The following MTA1 variants were observed in gnomAD, a reference collection of about 807,000 sequenced individuals.
MTA1 encodes metastasis-associated protein MTA1.
A neutral mutation model predicts 97.0 loss-of-function variants in MTA1; 15 were observed. That is an observed-to-expected ratio of 0.15 (90% CI 0.10 to 0.24). The LOEUF (loss-of-function observed/expected upper bound fraction) is 0.24. MTA1 is among the 10% of genes least tolerant of loss of function. MTA1 has a pLI of 1.00. For missense variants in MTA1, 709 were observed against 1,015.1 expected (o/e 0.70, Z 4.10); for synonymous variants, 435 against 417.5 (o/e 1.04, Z -0.51).
rs371516406 is a variant in MTA1 at position 105,463,154 on chromosome 14, T to C, written c.943-30T>C. 4.4e-5 allele frequency: 70 copies of C among 1,607,248 alleles called. No homozygotes were observed. Among genetic ancestry groups the C allele is most frequent in the Non-Finnish European group, 5.9e-5 (70 of 1,177,580 alleles). ...GGTGTGCCTGCCTCCTGCCCCTTCC[T>C]GCTTGTGTGACACGCCTCCTCCCAC... On this transcript the variant is annotated intron_variant, in intron 10 of 20. Transcript: ENST00000331320. This position sits in a 1 kb window ranked among gnomAD's most constrained non-coding sequence, Gnocchi z 5.9.
chr14:105,428,717 C>CT (rs60016099), intron 1 of MTA1, among the ~76,000 whole-genome samples: 3 of 145,492 alleles, frequency 2.1e-5, no homozygotes, highest in Non-Finnish European at 3.0e-5. Flanking sequence ...AGAAGTGTTT[C>CT]TTTTTTTTTT....
chr14:105,434,207 A>G (rs1354319172), intron 1 of MTA1, among the ~76,000 whole-genome samples: 4 of 152,202 alleles, frequency 2.6e-5, no homozygotes, highest in Admixed American at 2.6e-4. Context: ...TGGCCTGCAC[A>G]GCCTGGAGTA....
At chr14:105,439,021 T>A (rs899419504) in intron 2 of MTA1, among the ~76,000 whole-genome samples, 2 of 152,168 alleles carry the variant, frequency 1.3e-5, no homozygotes, top group Admixed American at 6.5e-5. Flanking sequence ...CCCCTGAAGA[T>A]GCCAGTGTCC....
At chr14:105,465,345 TC>T in intron 16 of MTA1, 162 bp downstream of exon 16, 1 of 503,712 alleles carries the variant, frequency 2.0e-6, no homozygotes, top group Non-Finnish European at 3.2e-6. Context: ...CGTGCCAGGC[TC>T]AGGCAGACCC....
Position 105,463,618 on chromosome 14 carries a change from T to TG in MTA1, c.1076+71dup. On this transcript the variant is annotated intron_variant, in intron 12 of 20. Coordinates refer to ENST00000331320, the MANE Select transcript of MTA1 (RefSeq NM_004689.4). This position sits in a 1 kb window ranked among gnomAD's most constrained non-coding sequence, Gnocchi z 5.9. ...GCCAGGGAGGGTGGGCACAGGGTGC[T>TG]GGGGCCAGGCGGGTCCCAAGGAAAC... 1 of 1,510,202 alleles carries TG rather than the reference T, an allele frequency of 6.6e-7. No homozygotes were observed. The allele number at this position is 1,510,202 out of a possible 1,614,324, so 93.6% of individuals were successfully genotyped here. A position where few individuals can be genotyped will look rare whatever the true frequency, so the allele number is the denominator to read the frequency against.
chr14:105,448,162 C>T (rs1464899096), intron 3 of MTA1, among the ~76,000 whole-genome samples: 1 of 152,108 alleles, frequency 6.6e-6, no homozygotes, highest in African/African-American at 2.4e-5. Flanking sequence ...CTGGAGACCA[C>T]AGCCAAGAGT....
intron 2 of MTA1, among the ~76,000 whole-genome samples, chr14:105,439,924 CG>C (rs1165809073): frequency 1.3e-5 from 2 of 152,096 alleles, no homozygotes; most frequent in African/African-American, 2.4e-5. Flanking sequence ...GAGGGGGCAG[CG>C]GGGGGAAGGT....
At chr14:105,438,541 C>G in intron 1 of MTA1, 131 bp from the exon 2 acceptor site, 1 of 785,418 alleles carries the variant, frequency 1.3e-6, no homozygotes, top group Non-Finnish European at 2.2e-6. Flanking sequence ...TCTGTTTATT[C>G]CTCGCCTGAG....
At chr14:105,428,050 A>T (rs587731846) in intron 1 of MTA1, among the ~76,000 whole-genome samples, 2 of 150,010 alleles carry the variant, frequency 1.3e-5, no homozygotes, top group African/African-American at 4.9e-5. Context: ...GTTTATTGAG[A>T]TACACGTTTC....
In MTA1 at chr14:105,453,857, G is replaced by A. The variant is rs374105388; in HGVS notation, c.433-336G>A. ...AAGTCATGGTTTTTGGGCTGTAGCC[G>A]TATCCACCCTGCCTTGGTAAAGGCT... On this transcript the variant is annotated intron_variant, in intron 6 of 20. Transcript: ENST00000331320. Among the ~76,000 whole-genome samples, 479 of 151,416 alleles carry A rather than the reference G, an allele frequency of 3.2e-3. 1 individual carries two copies. The highest frequency in any genetic ancestry group is 6.8e-3 in the Middle Eastern group (2 of 294).
intron 1 of MTA1, among the ~76,000 whole-genome samples, chr14:105,434,877 G>T (rs782265057): frequency 1.1e-4 from 17 of 152,142 alleles, no homozygotes; most frequent in Non-Finnish European, 2.1e-4. Flanking sequence ...AGCTTTTTTT[G>T]TAGACTCTGG....
intron 1 of MTA1, among the ~76,000 whole-genome samples, chr14:105,421,105 T>C (rs1289976102): frequency 2.1e-5 from 3 of 142,262 alleles, no homozygotes; most frequent in African/African-American, 4.9e-5. Flanking sequence ...TCCTGTGACC[T>C]TGGGGACGGT....
chr14:105,466,670 T>C (rs1555432969), intron 17 of MTA1, 37 bp from the exon 18 acceptor site: 2 of 1,603,756 alleles, frequency 1.2e-6, no homozygotes, highest in South Asian at 2.2e-5. Context: ...GTGCTGACGC[T>C]GTCTTCTCTC....
intron 18 of MTA1, chr14:105,468,046 C>T: frequency 5.8e-6 from 2 of 344,668 alleles, no homozygotes; most frequent in East Asian, 7.6e-5. Context: ...AGCGCCTGTC[C>T]TGACGTGTAG....
At chr14:105,434,855 A>G (rs2082283758) in intron 1 of MTA1, among the ~76,000 whole-genome samples, 1 of 152,214 alleles carries the variant, frequency 6.6e-6, no homozygotes, top group Admixed American at 6.5e-5. Flanking sequence ...ACTCTTACTC[A>G]GCAGTTTCAA....
In MTA1 at chr14:105,464,754, G is replaced by A. The variant is rs782710708; in HGVS notation, c.1425G>A (p.Thr475=). The A allele has an allele frequency of 3.9e-5, 63 of 1,609,928 alleles. No individual in the cohort carries two copies. The highest frequency in any genetic ancestry group is 4.5e-5 in the Non-Finnish European group (53 of 1,177,890). ...CCAGGCAGGCTTTCTATCTGCACAC[G>A]ACGAAGCTGACGCGGATCGCCCGGC... ...MKTRQAFYLH[T]TKLTRIARRL... Residue 475 remains threonine (T), a synonymous_variant, in exon 15 of 21, where the codon ACG becomes ACA. Transcript: ENST00000331320.
chr14:105,421,423 G>T (rs1380132810), intron 1 of MTA1, among the ~76,000 whole-genome samples: 1 of 152,194 alleles, frequency 6.6e-6, no homozygotes, highest in Non-Finnish European at 1.5e-5. Flanking sequence ...TGGCAGAGAG[G>T]ATGCCTGCTG....
intron 10 of MTA1, among the ~76,000 whole-genome samples, chr14:105,462,528 C>T (rs954426000): frequency 2.0e-5 from 3 of 151,460 alleles, no homozygotes; most frequent in Non-Finnish European, 4.4e-5. Context: ...CGAGATCGCA[C>T]CACTGCACTC....
intron 7 of MTA1, among the ~76,000 whole-genome samples, chr14:105,455,046 C>T (rs1555429574): frequency 6.6e-6 from 1 of 152,154 alleles, no homozygotes; most frequent in East Asian, 1.9e-4. Flanking sequence ...GCTGGAACTA[C>T]AGGGGCACCA....
Sources: gnomAD v4.1 joint callset for allele counts (sites outside exome capture counted in the v4.1 genomes callset) on GRCh38, gnomAD v4.1.1 for gene constraint, Gnocchi (gnomAD v3.1) non-coding constraint, MANE v1.5 for transcripts, NCBI Gene and HGNC (gene_info 2026-07-23, HGNC 2026-07-21) for gene names.